Variants in UBE2D2 observed in about 807,000 individuals in gnomAD.
UBE2D2 encodes the protein ubiquitin-conjugating enzyme E2 D2.
Under a neutral mutation model 24.2 loss-of-function variants are expected in UBE2D2, and 2 were observed. The ratio of observed to expected loss-of-function variants is 0.08; its 90% confidence interval spans 0.03 to 0.26. UBE2D2 has a LOEUF of 0.26. Ranked by LOEUF, UBE2D2 falls within the 10% of genes least tolerant of loss-of-function variation. The probability of loss-of-function intolerance (pLI) is 1.00; values close to 1 mark genes in which losing one functional copy is unlikely to be tolerated. For synonymous variants in UBE2D2, 58 were observed against 56.5 expected, an observed-to-expected ratio of 1.03 and a Z score of -0.12; for missense variants, 44 against 177.6, an observed-to-expected ratio of 0.25 and a Z score of 4.28.
At chr5:139,543,747 T>C (rs1449619999) in intron 1 of UBE2D2, among the ~76,000 whole-genome samples, 2 of 152,250 alleles carry the variant, frequency 1.3e-5, no homozygotes, top group Admixed American at 1.3e-4. Context: ...AATAGGCCCA[T>C]AGCATTAAAT....
At chr5:139,527,125 C>A (rs1286235732) in intron 1 of UBE2D2, among the ~76,000 whole-genome samples, 1 of 152,116 alleles carries the variant, frequency 6.6e-6, no homozygotes, top group Admixed American at 6.5e-5. Context: ...AAACTTAGAA[C>A]TTTGTGTGAA....
intron 1 of UBE2D2, chr5:139,526,662 G>T (rs1752544496): frequency 6.6e-6 from 1 of 152,170 alleles, no homozygotes; most frequent in South Asian, 2.1e-4. Context: ...TGGAAGCGTG[G>T]CCTGATCACC....
In UBE2D2 at chr5:139,606,309, G is replaced by A. The variant is rs141872671; in HGVS notation, c.88+5874G>A. 5.4e-3 allele frequency among the ~76,000 whole-genome samples: 824 copies of A among 152,078 alleles called. 3 individuals carry two copies. Among genetic ancestry groups the A allele is most frequent in the Non-Finnish European group, 7.8e-3 (532 of 67,964 alleles). On this transcript the variant is annotated intron_variant, in intron 2 of 6. Transcript: ENST00000398733. ...CCCAAGTAGCTGGGATTACAGGCAT[G>A]CACCACCACGACCGACTAATTTTTT... is the stretch of plus-strand genomic sequence containing the variant.
intron 1 of UBE2D2, among the ~76,000 whole-genome samples, chr5:139,534,120 C>A (rs776188248): frequency 2.1e-4 from 32 of 151,704 alleles, no homozygotes; most frequent in Non-Finnish European, 3.8e-4. Context: ...ATTCTTTGAC[C>A]TGGCATCTTC....
At chr5:139,559,626 T>C, upstream of UBE2D2, among the ~76,000 whole-genome samples, 1 of 152,106 alleles carries the variant, frequency 6.6e-6, no homozygotes. Flanking sequence ...TCTCAGTAGG[T>C]GAGGCAGTAT....
intron 1 of UBE2D2, among the ~76,000 whole-genome samples, chr5:139,575,133 C>T (rs1470115391): frequency 2.0e-5 from 3 of 152,154 alleles, no homozygotes; most frequent in African/African-American, 7.2e-5. Context: ...GTTCACCCTC[C>T]CGTACTTGCT....
At chr5:139,546,844 TC>T in intron 1 of UBE2D2, among the ~76,000 whole-genome samples, 1 of 146,608 alleles carries the variant, frequency 6.8e-6, no homozygotes, top group Non-Finnish European at 1.5e-5. Flanking sequence ...CTTCCTTCCT[TC>T]CTTCCTTCCT....
At chr5:139,550,452 A>C (rs1156512434) in intron 1 of UBE2D2, among the ~76,000 whole-genome samples, 1 of 152,200 alleles carries the variant, frequency 6.6e-6, no homozygotes, top group Non-Finnish European at 1.5e-5. Flanking sequence ...AAAATGGACC[A>C]ATCAGCTCTC....
intron 1 of UBE2D2, among the ~76,000 whole-genome samples, chr5:139,588,615 C>T (rs1204298921): frequency 6.6e-6 from 1 of 152,144 alleles, no homozygotes; most frequent in Non-Finnish European, 1.5e-5. Flanking sequence ...TATAACATAT[C>T]ATTAAAAGGG....
At chr5:139,610,938 A>G (rs1375202546) in intron 2 of UBE2D2, among the ~76,000 whole-genome samples, 3 of 152,068 alleles carry the variant, frequency 2.0e-5, no homozygotes, top group African/African-American at 7.2e-5. Flanking sequence ...AGTTTCTTTC[A>G]CTCTTTTACA....
chr5:139,619,159 G>A (rs1448713910), intron 5 of UBE2D2, among the ~76,000 whole-genome samples: 1 of 152,164 alleles, frequency 6.6e-6, no homozygotes, highest in Non-Finnish European at 1.5e-5. Context: ...ACTTTGAGAG[G>A]CCAAGGAAGG....
chr5:139,561,920 G>A lies in UBE2D2; in HGVS notation c.24+105G>A, dbSNP rs1753109277. The A allele has an allele frequency of 2.9e-6, 4 of 1,388,752 alleles. No homozygotes were observed. In the South Asian group the frequency reaches 4.9e-5, roughly 17 times the overall value. 86.0% of individuals were successfully genotyped at this position (1,388,752 alleles called of 1,614,324 possible). On this transcript the variant is annotated intron_variant, in intron 1 of 6. Coordinates refer to ENST00000398733, the MANE Select transcript of UBE2D2 (RefSeq NM_003339.3). ...GCTCGCGGCCTCCTTGGATCTTGCT[G>A]CCGGTGCTGGCCCCTCGGGGCGGCC... is the stretch of plus-strand genomic sequence containing the variant.
chr5:139,608,518 G>T (rs1209003804), intron 2 of UBE2D2, among the ~76,000 whole-genome samples: 1 of 151,858 alleles, frequency 6.6e-6, no homozygotes, highest in Non-Finnish European at 1.5e-5. Context: ...AGTTTGGGGG[G>T]TCAAGGCAGG....
intron 1 of UBE2D2, chr5:139,526,675 C>G (rs757700170): frequency 4.6e-5 from 7 of 152,190 alleles, no homozygotes; most frequent in Non-Finnish European, 7.3e-5. Context: ...TGATCACCCA[C>G]GGTGTGCCTG....
intron 1 of UBE2D2, among the ~76,000 whole-genome samples, chr5:139,539,364 T>C (rs1381696052): frequency 6.6e-6 from 1 of 152,078 alleles, no homozygotes; most frequent in African/African-American, 2.4e-5. Flanking sequence ...TATGATTCCA[T>C]TTATATAACA....
chr5:139,590,160 GA>G lies in UBE2D2; in HGVS notation c.25-10207del, dbSNP rs201863534. Among the ~76,000 whole-genome samples, 1,178 of 152,190 alleles carry G rather than the reference GA, an allele frequency of 7.7e-3. 8 individuals carry two copies. The highest frequency in any genetic ancestry group is 0.041 in the Middle Eastern group (12 of 294). On this transcript the variant is annotated intron_variant, in intron 1 of 6. Transcript: ENST00000398733. Reference sequence around the variant, plus strand: ...ATATTTACCAAATCGTTGTGATAGTGAAAAATAGGAAATAAAGGATCTGTTG... The same window carrying G: ...ATATTTACCAAATCGTTGTGATAGTGAAAATAGGAAATAAAGGATCTGTTG...
chr5:139,577,799 G>A (rs1468736938), intron 1 of UBE2D2, among the ~76,000 whole-genome samples: 2 of 152,130 alleles, frequency 1.3e-5, no homozygotes, highest in African/African-American at 4.8e-5. Context: ...AATGATACTA[G>A]CATTCATCTC....
intron 1 of UBE2D2, among the ~76,000 whole-genome samples, chr5:139,578,436 G>T (rs10069891): frequency 2.8e-4 from 23 of 81,820 alleles, no homozygotes; most frequent in African/African-American, 8.2e-4. Flanking sequence ...TTTGTGTTTT[G>T]TGTGTGTGTG....
chr5:139,553,379 T>C (rs1752945226), intron 1 of UBE2D2, among the ~76,000 whole-genome samples: 1 of 152,208 alleles, frequency 6.6e-6, no homozygotes, highest in African/African-American at 2.4e-5. Flanking sequence ...TCAGTAGTAC[T>C]TTTTACCACA....
Sources: gnomAD v4.1 joint callset for allele counts (sites outside exome capture counted in the v4.1 genomes callset) on GRCh38, gnomAD v4.1.1 for gene constraint, MANE v1.5 for transcripts, NCBI Gene and HGNC (gene_info 2026-07-23, HGNC 2026-07-21) for gene names.